SUSD4: variants seen among roughly 807,000 people sequenced by gnomAD.
The protein encoded by SUSD4 is sushi domain containing 4, also known as sushi domain-containing protein 4.
SUSD4 carries 41 observed loss-of-function variants against 50.5 expected under a neutral mutation model. The ratio of observed to expected loss-of-function variants is 0.81; its 90% CI spans 0.63 to 1.05. The LOEUF is 1.05. Ranked by LOEUF, SUSD4 falls within the 50% of genes least tolerant of loss-of-function variation. The pLI, the probability that SUSD4 is intolerant of heterozygous loss-of-function variation, is 0.00. For synonymous variants in SUSD4, 257 were observed against 257.3 expected (o/e 1.00, Z 0.01); for missense variants, 580 against 634.7 (o/e 0.91, Z 0.93).
At chr1:223,298,787 C>T (rs1285934922) in intron 2 of SUSD4, among the ~76,000 whole-genome samples, 2 of 152,192 alleles carry the variant, frequency 1.3e-5, no homozygotes, top group African/African-American at 4.8e-5. Context: ...GCACAATTTC[C>T]TCATGAATTT....
At chr1:223,235,443 A>T (rs1660154846) in intron 5 of SUSD4, among the ~76,000 whole-genome samples, 1 of 152,110 alleles carries the variant, frequency 6.6e-6, no homozygotes, top group Admixed American at 6.5e-5. Flanking sequence ...GTGTAGTGAC[A>T]TGTATCCACC....
intron 5 of SUSD4, among the ~76,000 whole-genome samples, chr1:223,232,662 G>A (rs1659973017): frequency 6.6e-6 from 1 of 152,226 alleles, no homozygotes; most frequent in Non-Finnish European, 1.5e-5. Flanking sequence ...GTCCCATGGT[G>A]TGCTCAAGAA....
chr1:223,291,488 C>CAAAAAA lies in SUSD4; in HGVS notation c.361+945_361+950dup, dbSNP rs71572850. Among the ~76,000 whole-genome samples the CAAAAAA allele has an allele frequency of 8.0e-3, 394 of 49,528 alleles. 60 individuals carry two copies. Among genetic ancestry groups the CAAAAAA allele is most frequent in the African/African-American group, 0.035 (379 of 10,976 alleles). 32.5% of individuals were successfully genotyped at this position (49,528 alleles called of 152,430 possible). A position where few individuals can be genotyped will look rare whatever the true frequency, so the allele number is the denominator to read the frequency against. ...TGGATGACAGAGGGAGACACTGTCT[C>CAAAAAA]AAAAAAAAAAAAAAAAAAAAAAGCT... On this transcript the variant is annotated intron_variant, in intron 3 of 8. Coordinates refer to ENST00000366878, the MANE Select transcript of SUSD4 (RefSeq NM_017982.4).
In SUSD4 at chr1:223,364,043, A is replaced by G. The variant is rs1618537; in HGVS notation, c.-36+14T>C. ...CCTCGGAATGGAAGACCCTTCCGGG[A>G]CTGTCGGTCTTACCTGTGGGTCTCA... is the stretch of plus-strand genomic sequence containing the variant. On this transcript the variant is annotated intron_variant, in intron 1 of 8. Coordinates refer to ENST00000366878, the MANE Select transcript of SUSD4 (RefSeq NM_017982.4). The surrounding 1 kb of genome is among the most constrained non-coding windows in gnomAD (Gnocchi z 4.5). The G allele has an allele frequency of 0.84, 127,866 of 152,266 alleles. 53,786 individuals carry two copies. The highest frequency in any genetic ancestry group is 0.86 in the Non-Finnish European group (58,907 of 68,116). 9.4% of individuals were successfully genotyped at this position (152,266 alleles called of 1,614,324 possible).
intron 2 of SUSD4, among the ~76,000 whole-genome samples, chr1:223,295,397 A>G (rs566707220): frequency 1.2e-4 from 19 of 152,286 alleles, no homozygotes; most frequent in African/African-American, 4.3e-4. Context: ...TCTCTCTCAT[A>G]CTATGTCAAA....
chr1:223,279,255 C>T (rs1005552735), intron 3 of SUSD4, among the ~76,000 whole-genome samples: 1 of 152,162 alleles, frequency 6.6e-6, no homozygotes, highest in Admixed American at 6.5e-5. Context: ...AAGAAGGCTT[C>T]AGACGATCAA....
Position 223,331,476 on chromosome 1 carries a change from T to C in SUSD4, c.148+31802A>G, listed in dbSNP as rs530621563. Among the ~76,000 whole-genome samples the C allele has an allele frequency of 1.5e-3, 230 of 152,254 alleles. 1 individual carries two copies. Among genetic ancestry groups the C allele is most frequent in the African/African-American group, 5.3e-3 (222 of 41,532 alleles). On this transcript the variant is annotated intron_variant, in intron 2 of 8. Transcript: ENST00000366878. ...AAACACAGCTGAACCTGTGTCCCCC[T>C]GTGGTTGGGGTTGAGCACAACTAAA...
intron 2 of SUSD4, among the ~76,000 whole-genome samples, chr1:223,297,713 T>A (rs1053127282): frequency 6.6e-6 from 1 of 152,248 alleles, no homozygotes; most frequent in Non-Finnish European, 1.5e-5. Flanking sequence ...TGTTCCTCAC[T>A]CTGACCATCA....
chr1:223,256,336 T>C (rs1661690358), intron 5 of SUSD4, among the ~76,000 whole-genome samples: 1 of 152,296 alleles, frequency 6.6e-6, no homozygotes, highest in South Asian at 2.1e-4. Flanking sequence ...ATCTTGGCTC[T>C]GCAGCCTACT....
At chr1:223,312,718 G>A (rs1028020115) in intron 2 of SUSD4, among the ~76,000 whole-genome samples, 10 of 152,184 alleles carry the variant, frequency 6.6e-5, no homozygotes, top group Non-Finnish European at 1.3e-4. Flanking sequence ...AATCACAGAG[G>A]TACAGCCCTG....
At position 223,222,039 on chromosome 1, in the gene SUSD4, A is replaced by C; in HGVS notation, c.*153T>G. Reference sequence around the variant, plus strand: ...ACTGCCATTGCAGTTTGTCAGCCTCACTGTGGAGCCTGAGATGCATAATGT... The same window carrying C: ...ACTGCCATTGCAGTTTGTCAGCCTCCCTGTGGAGCCTGAGATGCATAATGT... On this transcript the variant is annotated 3_prime_UTR_variant, in exon 9 of 9. Transcript: ENST00000366878. 1 of 705,222 alleles carries C rather than the reference A, an allele frequency of 1.4e-6. No individual in the cohort carries two copies. Among genetic ancestry groups the C allele is most frequent in the Non-Finnish European group, 2.4e-6 (1 of 421,918 alleles). The allele number at this position is 705,222 out of a possible 1,614,324, so 43.7% of individuals were successfully genotyped here. A position where few individuals can be genotyped will look rare whatever the true frequency, so the allele number is the denominator to read the frequency against.
chr1:223,229,097 G>T lies in SUSD4; in HGVS notation c.916+100C>A. 1 of 1,204,916 alleles carries T rather than the reference G, an allele frequency of 8.3e-7. No individual in the cohort carries two copies. Among genetic ancestry groups the T allele is most frequent in the African/African-American group, 1.5e-5 (1 of 66,500 alleles). 74.6% of individuals were successfully genotyped at this position (1,204,916 alleles called of 1,614,324 possible). A position where few individuals can be genotyped will look rare whatever the true frequency, so the allele number is the denominator to read the frequency against. Reference sequence around the variant, plus strand: ...CGATATCCTGTTCCTGACACTGGGTGGGGGAGGAGAGATACAGCTTGGTAC... The same window carrying T: ...CGATATCCTGTTCCTGACACTGGGTTGGGGAGGAGAGATACAGCTTGGTAC... On this transcript the variant is annotated intron_variant, in intron 6 of 8. Transcript: ENST00000366878. The surrounding 1 kb of genome is among the most constrained non-coding windows in gnomAD (Gnocchi z 4.7).
chr1:223,271,125 G>T (rs1662892316), intron 3 of SUSD4, among the ~76,000 whole-genome samples: 1 of 152,162 alleles, frequency 6.6e-6, no homozygotes, highest in South Asian at 2.1e-4. Flanking sequence ...AGGTACTGCG[G>T]CAGTAATTTA....
intron 2 of SUSD4, among the ~76,000 whole-genome samples, chr1:223,336,810 T>C (rs1372248885): frequency 6.6e-6 from 1 of 151,884 alleles, no homozygotes; most frequent in Admixed American, 6.6e-5. Context: ...TCTCAGCGAG[T>C]CCTATCACAG....
At chr1:223,266,877 G>C (rs987848028) in intron 4 of SUSD4, among the ~76,000 whole-genome samples, 4 of 152,244 alleles carry the variant, frequency 2.6e-5, no homozygotes, top group Non-Finnish European at 5.9e-5. Context: ...CAGCCAGTGA[G>C]CAACACTGGA....
chr1:223,225,536 C>A (rs913041253), intron 7 of SUSD4, among the ~76,000 whole-genome samples: 1 of 152,064 alleles, frequency 6.6e-6, no homozygotes, highest in African/African-American at 2.4e-5. Flanking sequence ...TTGCTCCGAG[C>A]CAGACTGCTC....
intron 5 of SUSD4, chr1:223,263,449 A>T (rs1662262307): frequency 1.5e-6 from 1 of 682,190 alleles, no homozygotes; most frequent in Non-Finnish European, 1.8e-6. Context: ...TCTGAAATTC[A>T]AATTTATCTG....
intron 2 of SUSD4, among the ~76,000 whole-genome samples, chr1:223,314,883 A>G (rs1049176346): frequency 1.5e-4 from 23 of 152,218 alleles, no homozygotes; most frequent in African/African-American, 5.1e-4. Context: ...AATACACTCC[A>G]GAAATCTTAT....
At position 223,235,768 on chromosome 1, in the gene SUSD4, G is replaced by A. The variant is rs1660179034; in HGVS notation, c.725-6380C>T. 3.3e-5 allele frequency among the ~76,000 whole-genome samples: 5 copies of A among 152,154 alleles called. No homozygotes were observed. The South Asian group carries it at 1.0e-3, about 32-fold the overall frequency. ...TAGTTTATTTATCCATTCACCTACT[G>A]AAGGACATCTTGGTTGCTTCTAAGT... On this transcript the variant is annotated intron_variant, in intron 5 of 8. Transcript: ENST00000366878.
Sources: gnomAD v4.1 joint callset for allele counts (sites outside exome capture counted in the v4.1 genomes callset) on GRCh38, gnomAD v4.1.1 for gene constraint, Gnocchi (gnomAD v3.1) non-coding constraint, MANE v1.5 for transcripts, NCBI Gene and HGNC (gene_info 2026-07-23, HGNC 2026-07-21) for gene names.